Variants in DNAH17 observed in about 807,000 individuals in gnomAD.
DNAH17 encodes dynein axonemal heavy chain 17.
In DNAH17, 376 loss-of-function variants were observed where a neutral mutation model predicts 485.6. That is an observed-to-expected ratio of 0.77 (90% CI 0.71 to 0.84). The LOEUF (loss-of-function observed/expected upper bound fraction) is 0.84, where lower values mean the gene tolerates loss of function less well. DNAH17 is among the 40% of genes least tolerant of loss of function. The pLI, the probability that DNAH17 is intolerant of heterozygous loss-of-function variation, is 0.00. For missense variants in DNAH17, 6,370 were observed against 5,839.3 expected, an observed-to-expected ratio of 1.09 and a Z score of -2.96; for synonymous variants, 3,031 against 2,405.9, an observed-to-expected ratio of 1.26 and a Z score of -7.60.
chr17:78,494,208 G>A (rs1464550610), intron 40 of DNAH17, 35 bp from the exon 41 acceptor site: 1 of 1,588,528 alleles, frequency 6.3e-7, no homozygotes, highest in Non-Finnish European at 8.6e-7. Context: ...GTGAGGAACT[G>A]AAGCAGCTTT....
At chr17:78,452,372 G>T (rs568632573) in intron 65 of DNAH17, among the ~76,000 whole-genome samples, 1 of 152,172 alleles carries the variant, frequency 6.6e-6, no homozygotes, top group Non-Finnish European at 1.5e-5. Flanking sequence ...CCGGCCACAC[G>T]TGGAAAATGA....
In DNAH17 at chr17:78,501,170, G is replaced by A. The variant is rs2090274687; in HGVS notation, c.5483+14C>T. 11 of 1,566,198 alleles carry A rather than the reference G, an allele frequency of 7.0e-6. No individual in the cohort carries two copies. The highest frequency in any genetic ancestry group is 9.6e-6 in the Non-Finnish European group (11 of 1,146,482). ...ACCAAGAGCACATGTGAGTTACTCA[G>A]GGACGGGCCTCACCTGTCAGTGAGT... On this transcript the variant is annotated intron_variant, in intron 35 of 80. Coordinates refer to ENST00000389840, the MANE Select transcript of DNAH17 (RefSeq NM_173628.4).
chr17:78,510,659 T>C, intron 26 of DNAH17, 153 bp from the exon 27 acceptor site: 1 of 978,454 alleles, frequency 1.0e-6, no homozygotes, highest in Admixed American at 2.4e-5. Context: ...TTTTCAGCTC[T>C]GAGACTTGAG....
In DNAH17 at chr17:78,545,719, A is replaced by G. The variant is rs182696912; in HGVS notation, c.2392-1722T>C. 8.2e-4 allele frequency among the ~76,000 whole-genome samples: 125 copies of G among 152,176 alleles called. 1 individual carries two copies. The highest frequency in any genetic ancestry group is 3.0e-3 in the African/African-American group (123 of 41,506). ...ATAATAATGCTGTGTTAGCCTTCCC[A>G]TTACATTTGCGTTCTGCCCATTTTT... is the stretch of plus-strand genomic sequence containing the variant. On this transcript the variant is annotated intron_variant, in intron 16 of 80. Transcript: ENST00000389840.
intron 18 of DNAH17, 116 bp downstream of exon 18, chr17:78,539,621 A>G: frequency 1.0e-6 from 1 of 974,470 alleles, no homozygotes; most frequent in South Asian, 2.2e-5. Context: ...CATAAGATAT[A>G]TTTTAATAAG....
chr17:78,458,965 G>A, intron 61 of DNAH17, 36 bp downstream of exon 61: 2 of 1,605,864 alleles, frequency 1.2e-6, no homozygotes, highest in Non-Finnish European at 1.7e-6. Context: ...AAGCGGCTCT[G>A]GTGTTTCGCA....
In DNAH17 at chr17:78,492,715, G is replaced by T; in HGVS notation, c.6459C>A (p.Val2153=). 1 of 1,612,954 alleles carries T rather than the reference G, an allele frequency of 6.2e-7. No individual in the cohort carries two copies. The highest frequency in any genetic ancestry group is 1.1e-5 in the South Asian group (1 of 90,806). The change falls in exon 42 of 81, where the codon GTC becomes GTA. Residue 2153 remains valine, a synonymous_variant. Coordinates refer to ENST00000389840, the MANE Select transcript of DNAH17 (RefSeq NM_173628.4). Reference sequence around the variant, plus strand: ...CGGCCTTGGGGTCCAGGTCCACGGCGACCGGCTTCCTCTTCAGGTTCTGAT... The same window carrying T: ...CGGCCTTGGGGTCCAGGTCCACGGCTACCGGCTTCCTCTTCAGGTTCTGAT... The part of the protein sequence containing the change: ...KTYQNLKRKP[V]AVDLDPKAVT...
At chr17:78,435,317 C>CA (rs2086821426) in intron 74 of DNAH17, among the ~76,000 whole-genome samples, 1 of 152,188 alleles carries the variant, frequency 6.6e-6, no homozygotes. Context: ...AGCCTACCCG[C>CA]ACTCAGGTCT....
At chr17:78,487,822 G>A (rs939672848) in intron 44 of DNAH17, among the ~76,000 whole-genome samples, 1 of 151,964 alleles carries the variant, frequency 6.6e-6, no homozygotes, top group Non-Finnish European at 1.5e-5. Flanking sequence ...ACTGTGCTTG[G>A]CCAGACACAC....
Position 78,532,774 on chromosome 17 carries a change from G to A in DNAH17, c.2860-38C>T, listed in dbSNP as rs765407021. On this transcript the variant is annotated intron_variant, in intron 19 of 80. Transcript: ENST00000389840. ...GGGGAGAAGCAAAAAGGGGAGGTAT[G>A]TTGCCTGGTTCATAATTTAGGTGTT... The A allele has an allele frequency of 4.5e-6, 7 of 1,540,430 alleles. No individual in the cohort carries two copies. In the African/African-American group the frequency reaches 8.2e-5, roughly 18 times the overall value.
chr17:78,455,195 C>T (rs1456490394), intron 63 of DNAH17, among the ~76,000 whole-genome samples: 1 of 152,000 alleles, frequency 6.6e-6, no homozygotes, highest in East Asian at 1.9e-4. Context: ...CAGGCGTGAG[C>T]CACCATGCAA....
At chr17:78,485,197 C>T (rs1373511182) in intron 47 of DNAH17, 164 bp from the exon 48 acceptor site, 16 of 829,172 alleles carry the variant, frequency 1.9e-5, no homozygotes, top group East Asian at 2.7e-5. Context: ...GAGGGGGCAC[C>T]GGGTACAGCC....
intron 58 of DNAH17, among the ~76,000 whole-genome samples, chr17:78,460,874 T>C (rs692583): frequency 0.89 from 136,082 of 152,180 alleles, 60,959 homozygotes; most frequent in East Asian, 0.99. Flanking sequence ...TTCATTCATG[T>C]ACATACTCAT....
Position 78,484,930 on chromosome 17 carries a change from C to T in DNAH17, c.7587G>A (p.Val2529=). The T allele has an allele frequency of 6.2e-7, 1 of 1,607,704 alleles. No homozygotes were observed. The highest frequency in any genetic ancestry group is 1.7e-5 in the Admixed American group (1 of 59,080). The change falls in exon 48 of 81, where the codon GTG becomes GTA. Residue 2529 remains valine, a synonymous_variant. Coordinates refer to ENST00000389840, the MANE Select transcript of DNAH17 (RefSeq NM_173628.4). ...GCGGGGCCACCGTCCCATACTTGTC[C>T]ACCTCGGGCATGTTCATGTCGTCGA... ...YFIDDMNMPE[V]DKYGTVAPHT...
intron 20 of DNAH17, 109 bp from the exon 21 acceptor site, chr17:78,530,621 T>C: frequency 7.5e-7 from 1 of 1,328,152 alleles, no homozygotes. Context: ...GCTGCTCACC[T>C]GCCGGCCACT....
At chr17:78,564,219 TGG>T (rs35927219) in intron 11 of DNAH17, among the ~76,000 whole-genome samples, 1 of 152,092 alleles carries the variant, frequency 6.6e-6, no homozygotes, top group Admixed American at 6.5e-5. Context: ...TAGTGAACCC[TGG>T]GGGAGGTTCA....
intron 19 of DNAH17, 165 bp from the exon 20 acceptor site, chr17:78,532,901 G>A: frequency 1.3e-6 from 1 of 783,274 alleles, no homozygotes; most frequent in East Asian, 2.8e-5. Context: ...CCCCTCTTTA[G>A]GCAACCTGGT....
chr17:78,434,111 C>A lies in DNAH17; in HGVS notation c.12143G>T (p.Trp4048Leu). Residue 4048 changes from tryptophan to leucine, a missense_variant, in exon 75 of 81, where the codon TGG becomes TTG. By Grantham distance (61) the Trp-to-Leu change is moderately conservative (BLOSUM62 -2). Coordinates refer to ENST00000389840, the MANE Select transcript of DNAH17 (RefSeq NM_173628.4). ...AERRKFGAQGWNRSYPFNNGD... is the reference protein window; with the variant it reads ...AERRKFGAQGLNRSYPFNNGD... ...GTTGTTGAAGGGGTACGACCGGTTCCAGCCCTGGGCGCCGAACTTGCGCCT... is the reference window on the plus strand; with the variant it reads ...GTTGTTGAAGGGGTACGACCGGTTCAAGCCCTGGGCGCCGAACTTGCGCCT... The A allele has an allele frequency of 6.2e-7, 1 of 1,613,684 alleles. No individual in the cohort carries two copies. The highest frequency in any genetic ancestry group is 8.5e-7 in the Non-Finnish European group (1 of 1,179,852).
At chr17:78,476,477 C>G (rs888772082) in intron 52 of DNAH17, 95 bp downstream of exon 52, 6 of 1,389,162 alleles carry the variant, frequency 4.3e-6, no homozygotes, top group Non-Finnish European at 5.8e-6. Flanking sequence ...AACAAAGGGC[C>G]CTTCTGAGAG....
Sources: allele counts gnomAD v4.1 joint callset (sites outside exome capture counted in the v4.1 genomes callset), GRCh38; gene constraint gnomAD v4.1.1; transcripts MANE v1.5; gene names NCBI Gene and HGNC (gene_info 2026-07-23, HGNC 2026-07-21).